CAMTA1: variants seen among roughly 807,000 people sequenced by gnomAD.
The protein encoded by CAMTA1 is calmodulin binding transcription activator 1, also known as calmodulin-binding transcription activator 1.
CAMTA1 carries 27 observed loss-of-function variants against 170.9 expected under a neutral mutation model. The ratio of observed to expected loss-of-function variants is 0.16; its 90% CI spans 0.12 to 0.22. CAMTA1 has a LOEUF of 0.22. CAMTA1 is among the 10% of genes least tolerant of loss of function. The pLI is 1.00. For missense variants in CAMTA1, 1,619 were observed against 2,217.2 expected (o/e 0.73, Z 5.42); for synonymous variants, 833 against 891.5 (o/e 0.93, Z 1.17).
intron 11 of CAMTA1, among the ~76,000 whole-genome samples, chr1:7,711,465 C>T (rs1279109380): frequency 7.9e-5 from 12 of 152,188 alleles, no homozygotes; most frequent in Admixed American, 2.0e-4. Context: ...TTTTGGTCTT[C>T]ACACTTGATT....
intron 6 of CAMTA1, among the ~76,000 whole-genome samples, chr1:7,554,726 T>G (rs2094852844): frequency 6.6e-6 from 1 of 152,144 alleles, no homozygotes; most frequent in Non-Finnish European, 1.5e-5. Context: ...AGCTGGGTTC[T>G]TCCTCCTCCC....
In CAMTA1 at chr1:7,302,770, C is replaced by T. The variant is rs12035652; in HGVS notation, c.438+53144C>T. Among the ~76,000 whole-genome samples the T allele has an allele frequency of 7.5e-4, 114 of 152,298 alleles. No homozygotes were observed. In the East Asian group the frequency reaches 0.015, roughly 20 times the overall value. On this transcript the variant is annotated intron_variant, in intron 5 of 22. Coordinates refer to ENST00000303635, the MANE Select transcript of CAMTA1 (RefSeq NM_015215.4). Reference sequence around the variant, plus strand: ...GCCTCTCTCAGGTATTGGGCTTCCCCGCTTGATGCCTTTTCTTTTGTTGGT... The same window carrying T: ...GCCTCTCTCAGGTATTGGGCTTCCCTGCTTGATGCCTTTTCTTTTGTTGGT...
At chr1:7,705,945 C>G (rs1169873169) in intron 11 of CAMTA1, among the ~76,000 whole-genome samples, 3 of 152,138 alleles carry the variant, frequency 2.0e-5, no homozygotes, top group Non-Finnish European at 4.4e-5. Context: ...TTTCGGAGCT[C>G]TGGTGATTGG....
chr1:7,057,934 AGCCAG>A (rs751492627), intron 3 of CAMTA1, among the ~76,000 whole-genome samples: 56 of 152,266 alleles, frequency 3.7e-4, no homozygotes, highest in Non-Finnish European at 6.0e-4. Flanking sequence ...CCTGACACCA[AGCCAG>A]GCCAGGCCAG....
Position 7,120,928 on chromosome 1 carries a change from T to C in CAMTA1, c.302+29557T>C, listed in dbSNP as rs138576155. On this transcript the variant is annotated intron_variant, in intron 4 of 22. Coordinates refer to ENST00000303635, the MANE Select transcript of CAMTA1 (RefSeq NM_015215.4). ...TATCATTAATCATTTCATAAAGTTA[T>C]CTTTCAAAGAGAGTCGGCCTTCAGC... is the stretch of plus-strand genomic sequence containing the variant. Among the ~76,000 whole-genome samples the C allele has an allele frequency of 4.8e-4, 73 of 152,370 alleles. 1 individual carries two copies. The highest frequency in any genetic ancestry group is 1.6e-3 in the African/African-American group (68 of 41,584).
intron 4 of CAMTA1, among the ~76,000 whole-genome samples, chr1:7,230,250 C>T (rs1010365284): frequency 1.3e-5 from 2 of 152,070 alleles, no homozygotes; most frequent in African/African-American, 2.4e-5. Context: ...CTAAAGAAGG[C>T]CTTAGCAATT....
intron 1 of CAMTA1, among the ~76,000 whole-genome samples, chr1:6,809,040 T>C (rs1233738650): frequency 4.6e-5 from 7 of 151,700 alleles, no homozygotes; most frequent in African/African-American, 1.7e-4. Context: ...TTTTTTTTTT[T>C]TTTGAGATGG....
chr1:7,279,626 A>T (rs1671223532), intron 5 of CAMTA1, among the ~76,000 whole-genome samples: 1 of 151,696 alleles, frequency 6.6e-6, no homozygotes. Flanking sequence ...TGCAGAGATA[A>T]CCTCCTGGCC....
intron 5 of CAMTA1, among the ~76,000 whole-genome samples, chr1:7,297,934 A>G (rs1378009247): frequency 2.6e-5 from 4 of 152,182 alleles, no homozygotes; most frequent in Admixed American, 2.0e-4. Context: ...GCAGGAATCA[A>G]TATCTATTTG....
intron 3 of CAMTA1, among the ~76,000 whole-genome samples, chr1:7,085,628 A>G (rs1249084756): frequency 6.6e-6 from 1 of 152,250 alleles, no homozygotes; most frequent in Non-Finnish European, 1.5e-5. Context: ...TGGGCGATGA[A>G]CAGGACCTGA....
rs538928832 is a variant in CAMTA1 at position 7,059,135 on chromosome 1, A to G, written c.235-32169A>G. Among the ~76,000 whole-genome samples the G allele has an allele frequency of 4.6e-5, 7 of 152,252 alleles. No homozygotes were observed. The South Asian group carries it at 1.3e-3, about 27-fold the overall frequency. The stretch of plus-strand genomic sequence containing the variant: ...CCCCAGTGCCTTCCTTTCCCATCCC[A>G]GGCTGCTGCTGCTCCTCTCATTCCC... On this transcript the variant is annotated intron_variant, in intron 3 of 22. Transcript: ENST00000303635.
intron 3 of CAMTA1, among the ~76,000 whole-genome samples, chr1:6,872,908 C>T (rs1218358592): frequency 5.3e-5 from 8 of 152,172 alleles, no homozygotes; most frequent in Non-Finnish European, 1.0e-4. Flanking sequence ...TAAATGAGTA[C>T]TGAAATGGAT....
chr1:7,207,577 T>G (rs375700630), intron 4 of CAMTA1, among the ~76,000 whole-genome samples: 56 of 152,332 alleles, frequency 3.7e-4, no homozygotes, highest in East Asian at 2.1e-3. Context: ...CCACCTCTAA[T>G]GGGTGGATCT....
At chr1:6,978,867 C>T (rs1477037619) in intron 3 of CAMTA1, among the ~76,000 whole-genome samples, 2 of 152,136 alleles carry the variant, frequency 1.3e-5, no homozygotes, top group Admixed American at 6.5e-5. Flanking sequence ...GAGCAGGACA[C>T]CCTGGACCTG....
chr1:7,348,170 G>A (rs964784516), intron 5 of CAMTA1, among the ~76,000 whole-genome samples: 2 of 151,734 alleles, frequency 1.3e-5, no homozygotes, highest in Non-Finnish European at 2.9e-5. Flanking sequence ...CCAGCTTTGT[G>A]TTCCCTCTGG....
At chr1:7,593,748 C>G (rs961292190) in intron 6 of CAMTA1, among the ~76,000 whole-genome samples, 1 of 150,198 alleles carries the variant, frequency 6.7e-6, no homozygotes, top group Non-Finnish European at 1.5e-5. Context: ...GCCTTGGCCT[C>G]CCAAACTGTT....
intron 6 of CAMTA1, among the ~76,000 whole-genome samples, chr1:7,550,546 C>A (rs1318657853): frequency 6.6e-6 from 1 of 151,692 alleles, no homozygotes; most frequent in Non-Finnish European, 1.5e-5. Context: ...TAATCCCTCC[C>A]ACCTGGGCCC....
At chr1:7,507,378 C>CA (rs948251310) in intron 6 of CAMTA1, among the ~76,000 whole-genome samples, 2 of 152,144 alleles carry the variant, frequency 1.3e-5, no homozygotes, top group African/African-American at 4.8e-5. Flanking sequence ...CAGGTGCCTG[C>CA]AGGCTGCAGG....
In CAMTA1 at chr1:7,674,791, A is replaced by G. The variant is rs921862150; in HGVS notation, c.2780-2808A>G. Among the ~76,000 whole-genome samples, 1 of 152,018 alleles carries G rather than the reference A, an allele frequency of 6.6e-6. No individual in the cohort carries two copies. The highest frequency in any genetic ancestry group is 1.5e-5 in the Non-Finnish European group (1 of 67,978). ...TCTGTCTCAAAAAAACAAAAAGCAA[A>G]CAAACAAACAAAAACAACAAATGAG... On this transcript the variant is annotated intron_variant, in intron 10 of 22. Coordinates refer to ENST00000303635, the MANE Select transcript of CAMTA1 (RefSeq NM_015215.4). The surrounding 1 kb of genome is among the most constrained non-coding windows in gnomAD (Gnocchi z 4.1).
Sources: gnomAD v4.1 joint callset for allele counts (sites outside exome capture counted in the v4.1 genomes callset) on GRCh38, gnomAD v4.1.1 for gene constraint, Gnocchi (gnomAD v3.1) non-coding constraint, MANE v1.5 for transcripts, NCBI Gene and HGNC (gene_info 2026-07-23, HGNC 2026-07-21) for gene names.